SV2C: variants seen among roughly 807,000 people sequenced by gnomAD.
SV2C encodes the protein synaptic vesicle glycoprotein 2C, also known as solute carrier family 22 member B3.
Under a neutral mutation model 79.7 loss-of-function variants are expected in SV2C, and 49 were observed. The observed-to-expected ratio is 0.61, with a 90% CI of 0.49 to 0.78. The LOEUF is 0.78. SV2C is among the 30% of genes least tolerant of loss of function. The pLI is 0.00. For synonymous variants in SV2C, 334 were observed against 333.2 expected (o/e 1.00, Z -0.03); for missense variants, 833 against 912.9 (o/e 0.91, Z 1.13).
chr5:75,862,537 T>G, the SV2C span, among the ~76,000 whole-genome samples: 1 of 152,144 alleles, frequency 6.6e-6, no homozygotes, highest in Non-Finnish European at 1.5e-5. Flanking sequence ...TGGCAAATAG[T>G]AAAATAAAAT....
chr5:76,094,279 G>T (rs1055965468), intron 1 of SV2C, among the ~76,000 whole-genome samples: 1 of 152,078 alleles, frequency 6.6e-6, no homozygotes, highest in Non-Finnish European at 1.5e-5. Flanking sequence ...GTAGCCAAAA[G>T]CATATCTCCA....
At chr5:75,935,787 A>G in the SV2C span, among the ~76,000 whole-genome samples, 1 of 152,188 alleles carries the variant, frequency 6.6e-6, no homozygotes, top group Non-Finnish European at 1.5e-5. Flanking sequence ...TGGAGAGGGG[A>G]TAGGATTGAC....
the SV2C span, among the ~76,000 whole-genome samples, chr5:75,969,284 T>C: frequency 0.46 from 69,414 of 151,926 alleles, 16,704 homozygotes; most frequent in African/African-American, 0.55. Context: ...GCAAAATAAC[T>C]GGCTAACATC....
intron 2 of SV2C, among the ~76,000 whole-genome samples, chr5:76,168,188 A>G (rs1743100675): frequency 6.6e-6 from 1 of 152,018 alleles, no homozygotes; most frequent in Admixed American, 6.5e-5. Context: ...GCCCAATTGT[A>G]TCTCCTCCCC....
In SV2C at chr5:76,285,204, G is replaced by C; in HGVS notation, c.956G>C (p.Trp319Ser). 1 of 1,614,190 alleles carries C rather than the reference G, an allele frequency of 6.2e-7. No homozygotes were observed. The highest frequency in any genetic ancestry group is 8.5e-7 in the Non-Finnish European group (1 of 1,180,026). Residue 319 changes from tryptophan (W) to serine (S), a missense_variant, in exon 5 of 13, where the codon TGG (tryptophan) becomes TCG (serine). By Grantham distance (177) the Trp-to-Ser change is radical. Transcript: ENST00000502798. ...GGATCGGCCTACCAGTTTCACAGTTGGCGTGTGTTTGTCATCGTCTGTGCA... is the reference window on the plus strand; with the variant it reads ...GGATCGGCCTACCAGTTTCACAGTTCGCGTGTGTTTGTCATCGTCTGTGCA... Reference protein sequence around the residue: ...SMGSAYQFHSWRVFVIVCALP... With the variant: ...SMGSAYQFHSSRVFVIVCALP...
intron 4 of SV2C, among the ~76,000 whole-genome samples, chr5:76,274,763 G>T (rs908434203): frequency 6.7e-6 from 1 of 149,980 alleles, no homozygotes; most frequent in Non-Finnish European, 1.5e-5. Context: ...CCATCCAGCT[G>T]CATCTGGTTA....
In SV2C at chr5:76,295,889, T is replaced by C; in HGVS notation, c.1449T>C (p.Ile483=). The stretch of plus-strand genomic sequence containing the variant: ...GAGATAAATATGCAAATTTCACTAT[T>C]AACTTTACAATGGAAAATCAGATTC... ...VERDKYANFT[I]NFTMENQIHT... Residue 483 remains isoleucine, a synonymous_variant, in exon 9 of 13, where the codon ATT becomes ATC. Coordinates refer to ENST00000502798, the MANE Select transcript of SV2C (RefSeq NM_014979.4). 6.2e-7 allele frequency: 1 copy of C among 1,612,970 alleles called. No homozygotes were observed.
the SV2C span, among the ~76,000 whole-genome samples, chr5:76,071,401 T>C: frequency 6.6e-6 from 1 of 152,172 alleles, no homozygotes; most frequent in African/African-American, 2.4e-5. Context: ...AATGTTGGTA[T>C]AGGATGCACT....
At chr5:76,098,342 T>C (rs1747632124) in intron 1 of SV2C, among the ~76,000 whole-genome samples, 1 of 152,218 alleles carries the variant, frequency 6.6e-6, no homozygotes, top group African/African-American at 2.4e-5. Context: ...AAGGATATTA[T>C]ATTTTCCTAT....
rs371110595 is a variant in SV2C at position 76,209,710 on chromosome 5, C to T, written c.762-26C>T. 4 of 1,608,074 alleles carry T rather than the reference C, an allele frequency of 2.5e-6. No individual in the cohort carries two copies. In the African/African-American group the frequency reaches 4.0e-5, roughly 16 times the overall value. On this transcript the variant is annotated intron_variant, in intron 3 of 12. Transcript: ENST00000502798. ...ACATGAGCTGTCCACACCCTGATTT[C>T]ATGTATTCTCTGTACCTCTTGGCAG...
chr5:76,195,337 T>C (rs1744240700), intron 3 of SV2C, among the ~76,000 whole-genome samples: 1 of 152,194 alleles, frequency 6.6e-6, no homozygotes, highest in Admixed American at 6.5e-5. Context: ...AAGAAGAGTA[T>C]TGTTTTAAAT....
chr5:76,299,757 T>C (rs1341492756), intron 10 of SV2C, among the ~76,000 whole-genome samples: 1 of 152,232 alleles, frequency 6.6e-6, no homozygotes, highest in African/African-American at 2.4e-5. Flanking sequence ...CAATGCTATC[T>C]ACCTGTCTTC....
At chr5:75,929,450 C>A in the SV2C span, among the ~76,000 whole-genome samples, 1 of 151,810 alleles carries the variant, frequency 6.6e-6, no homozygotes, top group African/African-American at 2.4e-5. Flanking sequence ...TCTATGGCCT[C>A]TAGGAATGTG....
the SV2C span, among the ~76,000 whole-genome samples, chr5:76,016,253 C>CAAAAAAAAAAAAAA: frequency 6.8e-5 from 1 of 14,764 alleles, no homozygotes; most frequent in Non-Finnish European, 1.4e-4. Context: ...TTTTAATTTT[C>CAAAAAAAAAAAAAA]TAAAAAAAAA....
At chr5:75,985,873 A>G in the SV2C span, among the ~76,000 whole-genome samples, 17 of 151,796 alleles carry the variant, frequency 1.1e-4, no homozygotes, top group African/African-American at 3.9e-4. Context: ...CTGCTTATAA[A>G]CAGCTTATTG....
At chr5:76,182,295 C>T (rs1023913915) in intron 2 of SV2C, among the ~76,000 whole-genome samples, 3 of 152,044 alleles carry the variant, frequency 2.0e-5, no homozygotes, top group Non-Finnish European at 2.9e-5. Context: ...TCTTGTATTT[C>T]TTTTATCAAT....
rs76683799 is a variant in SV2C, at chr5:76,189,570, G to A, written c.581-5349G>A. On this transcript the variant is annotated intron_variant, in intron 2 of 12. Coordinates refer to ENST00000502798, the MANE Select transcript of SV2C (RefSeq NM_014979.4). ...GGAAAACATGCAAAAATATAAATAT[G>A]TATGTAAATATGGTGTTTTAACCTA... Among the ~76,000 whole-genome samples the A allele has an allele frequency of 3.4e-3, 522 of 152,260 alleles. 14 individuals carry two copies. In the East Asian group the frequency reaches 0.06, roughly 18 times the overall value.
chr5:76,257,153 C>G (rs1746294767), intron 4 of SV2C, among the ~76,000 whole-genome samples: 1 of 152,156 alleles, frequency 6.6e-6, no homozygotes, highest in African/African-American at 2.4e-5. Context: ...CTTGATGTTC[C>G]TACTTATTAA....
chr5:75,888,620 C>T, the SV2C span, among the ~76,000 whole-genome samples: 1 of 152,190 alleles, frequency 6.6e-6, no homozygotes, highest in African/African-American at 2.4e-5. Context: ...ATAAATATCA[C>T]TTCTTCAGAG....
Sources: gnomAD v4.1 joint callset for allele counts (sites outside exome capture counted in the v4.1 genomes callset) on GRCh38, gnomAD v4.1.1 for gene constraint, MANE v1.5 for transcripts, NCBI Gene and HGNC (gene_info 2026-07-23, HGNC 2026-07-21) for gene names.